The following SF1 variants were observed in gnomAD, a reference collection of about 807,000 sequenced individuals.
The protein encoded by SF1 is branch point-binding protein.
In SF1, 7 loss-of-function variants were observed where a neutral mutation model predicts 62.5. The observed-to-expected ratio is 0.11, with a 90% CI of 0.06 to 0.21. The LOEUF is 0.21. Among genes scored for constraint, SF1 ranks in the 10% least tolerant of loss-of-function variants. The pLI is 1.00. For synonymous variants in SF1, 394 were observed against 323.6 expected (o/e 1.22, Z -2.33); for missense variants, 578 against 884.0 (o/e 0.65, Z 4.39).
intron 2 of SF1, among the ~76,000 whole-genome samples, chr11:64,775,408 C>T (rs187356578): frequency 3.9e-5 from 6 of 152,300 alleles, no homozygotes; most frequent in Middle Eastern, 3.4e-3. Flanking sequence ...AAGACCCAGA[C>T]TAGTCTAATA....
chr11:64,770,384 G>A lies in SF1; in HGVS notation c.261C>T (p.Tyr87=), dbSNP rs770836228. The change falls in exon 4 of 13, where the codon TAC becomes TAT. Residue 87 remains tyrosine (Y), a synonymous_variant. Coordinates refer to ENST00000377390, the MANE Select transcript of SF1 (RefSeq NM_004630.4). ...EDRSPSPEPI[Y]NSEGKRLNTR... ...TGTTAAGCCGCTTCCCCTCGCTATT[G>A]TAGATGGGCTCAGGGGAAGGGGACC... 56 of 1,613,780 alleles carry A rather than the reference G, an allele frequency of 3.5e-5. No homozygotes were observed. Among genetic ancestry groups the A allele is most frequent in the Non-Finnish European group, 4.5e-5 (53 of 1,179,844 alleles).
chr11:64,766,866 AC>A, intron 12 of SF1, 33 bp downstream of exon 12: 2 of 181,352 alleles, frequency 1.1e-5, no homozygotes, highest in Non-Finnish European at 1.0e-5. Flanking sequence ...CCCCCATCCC[AC>A]CCACCCCCAC....
chr11:64,777,932 C>T, intron 1 of SF1: 1 of 978,594 alleles, frequency 1.0e-6, no homozygotes, highest in Non-Finnish European at 1.2e-6. Flanking sequence ...GCGCGCCCCT[C>T]AGGCGGCCGG....
In SF1 at chr11:64,778,351, G is replaced by A. The variant is rs1278224251; in HGVS notation, c.31+11C>T. On this transcript the variant is annotated intron_variant, in intron 1 of 12. Transcript: ENST00000377390. ...CGGGGAGCGGGGGCAGCCCGGGGGG[G>A]CCCAGCTTACCCAACGGCGTGGCGT... 1.2e-5 allele frequency: 15 copies of A among 1,226,934 alleles called. No homozygotes were observed. The highest frequency in any genetic ancestry group is 4.3e-5 in the Admixed American group (1 of 23,424). The allele number at this position is 1,226,934 out of a possible 1,614,324, so 76.0% of individuals were successfully genotyped here. A position where few individuals can be genotyped will look rare whatever the true frequency, so the allele number is the denominator to read the frequency against.
rs756061823 is a variant in SF1 at position 64,765,863 on chromosome 11, G to A, written c.1875C>T (p.Pro625=). 14 of 1,561,354 alleles carry A rather than the reference G, an allele frequency of 9.0e-6. No individual in the cohort carries two copies. In the East Asian group the frequency reaches 1.7e-4, roughly 19 times the overall value. The change falls in exon 13 of 13, where the codon CCC becomes CCT. Residue 625 remains proline, a synonymous_variant. Transcript: ENST00000377390. ...GTGGGGGAGCTGGAGGCATCCCGAA[G>A]GGCGGCATGCCCGCCACCCCCATGC... is the stretch of plus-strand genomic sequence containing the variant. The part of the protein sequence containing the change: ...MMGMGVAGMP[P]FGMPPAPPPP...
At chr11:64,772,518 T>A in intron 3 of SF1, 6 of 985,078 alleles carry the variant, frequency 6.1e-6, no homozygotes, top group Non-Finnish European at 7.2e-6. Context: ...CATTACATCA[T>A]CTTCCTGATT....
chr11:64,773,360 T>C, intron 3 of SF1, 70 bp downstream of exon 3: 1 of 1,574,790 alleles, frequency 6.4e-7, no homozygotes, highest in Non-Finnish European at 8.6e-7. Flanking sequence ...CACAATATGT[T>C]GCCACCAGTA....
rs768991477 is a variant in SF1, at chr11:64,768,139, A to G, written c.1035T>C (p.Arg345=). 1.2e-6 allele frequency: 2 copies of G among 1,612,572 alleles called. No homozygotes were observed. Among genetic ancestry groups the G allele is most frequent in the Non-Finnish European group, 8.5e-7 (1 of 1,179,372 alleles). Residue 345 remains arginine (R), a synonymous_variant, in exon 9 of 13, where the codon CGT becomes CGC. Coordinates refer to ENST00000377390, the MANE Select transcript of SF1 (RefSeq NM_004630.4). The part of the protein sequence containing the change: ...PATTPLASAP[R]PAAPANNPPP... The stretch of plus-strand genomic sequence containing the variant: ...GTGGGTTGTTGGCGGGAGCAGCAGG[A>G]CGAGGTGCGCTGGCCAGGGGTGTGG...
intron 3 of SF1, chr11:64,772,026 C>A: frequency 1.0e-6 from 1 of 985,416 alleles, no homozygotes; most frequent in Non-Finnish European, 1.2e-6. Context: ...AAAAACAAGT[C>A]TTACCAGCAC....
rs1342688227 is a variant in SF1, at chr11:64,769,521, G to A, written c.568C>T (p.Arg190Cys). 1 of 1,614,084 alleles carries A rather than the reference G, an allele frequency of 6.2e-7. No individual in the cohort carries two copies. Among genetic ancestry groups the A allele is most frequent in the Non-Finnish European group, 8.5e-7 (1 of 1,180,020 alleles). Reference sequence around the variant, plus strand: ...CCTGGCAACATCTGGCCATCTTTGCGCCCAACCTTCCCTTCTTTCACAGAC... The same window carrying A: ...CCTGGCAACATCTGGCCATCTTTGCACCCAACCTTCCCTTCTTTCACAGAC... ...KGSVKEGKVG[R>C]KDGQMLPGED... Residue 190 changes from arginine to cysteine, a missense_variant, in exon 6 of 13, where the codon CGC (arginine) becomes TGC (cysteine). Arg to Cys is a radical substitution (Grantham distance 180). Around this residue, in one of 7 missense-constraint regions of SF1, gnomAD observed 16 missense variants for 59.3 expected, o/e 0.27. Coordinates refer to ENST00000377390, the MANE Select transcript of SF1 (RefSeq NM_004630.4).
At chr11:64,772,399 A>G (rs1938465596) in intron 3 of SF1, 13 of 984,924 alleles carry the variant, frequency 1.3e-5, no homozygotes, top group Non-Finnish European at 1.6e-5. Flanking sequence ...TAGGTAAAAT[A>G]TAGCAAATGT....
At chr11:64,772,607 C>A (rs994553269) in intron 3 of SF1, 18 of 985,034 alleles carry the variant, frequency 1.8e-5, no homozygotes, top group Non-Finnish European at 2.2e-5. Flanking sequence ...TCTGTATGTA[C>A]TAAGAGAAAA....
At chr11:64,769,817 T>C in intron 5 of SF1, 147 bp downstream of exon 5, 1 of 747,312 alleles carries the variant, frequency 1.3e-6, no homozygotes. Context: ...TAAGACACCT[T>C]CTCACAGAAA....
At chr11:64,768,053 T>A in intron 9 of SF1, 53 bp downstream of exon 9, 2 of 1,552,280 alleles carry the variant, frequency 1.3e-6, no homozygotes, top group South Asian at 2.4e-5. Context: ...GCTCCCAGTC[T>A]CTGCAGTAGA....
Position 64,767,612 on chromosome 11 carries a change from T to G in SF1, c.1301A>C (p.Gln434Pro). Residue 434 changes from glutamine (Q) to proline (P), a missense_variant, in exon 10 of 13, where the codon CAG becomes CCG. Gln to Pro is a moderately conservative substitution (Grantham distance 76). Around this residue, in one of 7 missense-constraint regions of SF1, gnomAD observed 410 missense variants for 452.4 expected, o/e 0.91. Coordinates refer to ENST00000377390, the MANE Select transcript of SF1 (RefSeq NM_004630.4). ...WMQPPPPPMN[Q>P]GPHPPGHHGP... ...ATGGTGCCCAGGAGGGTGGGGGCCC[T>G]GGTTCATCGGTGGTGGTGGTGGCTG... 6.3e-7 allele frequency: 1 copy of G among 1,584,278 alleles called. No homozygotes were observed. The highest frequency in any genetic ancestry group is 8.6e-7 in the Non-Finnish European group (1 of 1,166,418).
chr11:64,767,954 T>C (rs909899944), intron 9 of SF1, 110 bp from the exon 10 acceptor site: 2 of 1,482,074 alleles, frequency 1.3e-6, no homozygotes, highest in African/African-American at 2.8e-5. Context: ...CTTCCCGAAG[T>C]GAGAAGTCCC....
rs143566417 is a variant in SF1, at chr11:64,769,794, C to T, written c.479+170G>A. The T allele has an allele frequency of 7.7e-5, 56 of 724,720 alleles. No homozygotes were observed. The East Asian group carries it at 1.2e-3, about 16-fold the overall frequency. The allele number at this position is 724,720 out of a possible 1,614,324, so 44.9% of individuals were successfully genotyped here. A position where few individuals can be genotyped will look rare whatever the true frequency, so the allele number is the denominator to read the frequency against. On this transcript the variant is annotated intron_variant, in intron 5 of 12. Transcript: ENST00000377390. ...AACCTGAGGATTTGACTTCTCCGCA[C>T]TAGTGGGGAAGTTAAGACACCTTCT...
rs573792233 is a variant in SF1 at position 64,773,354 on chromosome 11, A to T, written c.236+76T>A. The T allele has an allele frequency of 1.5e-5, 24 of 1,566,938 alleles. No individual in the cohort carries two copies. In the East Asian group the frequency reaches 5.3e-4, roughly 35 times the overall value. ...ACTATGATTTTATTGAACTGACACAATATGTTGCCACCAGTAAAACGTATT... is the reference window on the plus strand; with the variant it reads ...ACTATGATTTTATTGAACTGACACATTATGTTGCCACCAGTAAAACGTATT... On this transcript the variant is annotated intron_variant, in intron 3 of 12. Transcript: ENST00000377390.
In SF1 at chr11:64,765,420, CA is replaced by C; in HGVS notation, c.*397del. The C allele has an allele frequency of 6.6e-7, 1 of 1,508,152 alleles. No homozygotes were observed. The highest frequency in any genetic ancestry group is 9.2e-7 in the Non-Finnish European group (1 of 1,083,656). 93.4% of individuals were successfully genotyped at this position (1,508,152 alleles called of 1,614,324 possible). On this transcript the variant is annotated 3_prime_UTR_variant, in exon 13 of 13. Coordinates refer to ENST00000377390, the MANE Select transcript of SF1 (RefSeq NM_004630.4). The stretch of plus-strand genomic sequence containing the variant: ...TGCTTTGCCGAACCATCCTGTCCAC[CA>C]GGGGCGTTGCTGAGGCTGTCTGCCT...
Sources: allele counts gnomAD v4.1 joint callset (sites outside exome capture counted in the v4.1 genomes callset), GRCh38; gene constraint gnomAD v4.1.1; regional missense constraint gnomAD v4.1.1; transcripts MANE v1.5; gene names NCBI Gene and HGNC (gene_info 2026-07-23, HGNC 2026-07-21).